Variants in CPEB2 observed in about 807,000 individuals in gnomAD.
The protein encoded by CPEB2 is cytoplasmic polyadenylation element-binding protein 2.
A neutral mutation model predicts 93.6 loss-of-function variants in CPEB2; 56 were observed. That is an observed-to-expected ratio of 0.60 (90% CI 0.48 to 0.75). The LOEUF (loss-of-function observed/expected upper bound fraction) is 0.75. Among genes scored for constraint, CPEB2 ranks in the 30% least tolerant of loss-of-function variants. The pLI is 0.00. For synonymous variants in CPEB2, 764 were observed against 586.3 expected (o/e 1.30, Z -4.38); for missense variants, 1,579 against 1,395.1 (o/e 1.13, Z -2.10).
At chr4:15,052,168 T>C (rs1728295021) in intron 6 of CPEB2, among the ~76,000 whole-genome samples, 1 of 152,114 alleles carries the variant, frequency 6.6e-6, no homozygotes, top group South Asian at 2.1e-4. Flanking sequence ...GTTGAAGTGA[T>C]CTAGTATCTC....
At chr4:15,052,035 CTATT>C (rs1299135184) in intron 6 of CPEB2, among the ~76,000 whole-genome samples, 2 of 152,120 alleles carry the variant, frequency 1.3e-5, no homozygotes, top group Non-Finnish European at 2.9e-5. Flanking sequence ...ATCCCCTTAT[CTATT>C]TAGTCTGTGT....
chr4:15,003,806 G>C lies in CPEB2; in HGVS notation c.1133G>C (p.Gly378Ala). 9.9e-7 allele frequency: 1 copy of C among 1,013,868 alleles called. No individual in the cohort carries two copies. The highest frequency in any genetic ancestry group is 1.2e-6 in the Non-Finnish European group (1 of 802,368). The allele number at this position is 1,013,868 out of a possible 1,614,324, so 62.8% of individuals were successfully genotyped here. Residue 378 changes from glycine (G) to alanine (A), a missense_variant, in exon 1 of 12, where the codon GGC (glycine) becomes GCC (alanine). Around this residue, in one of 2 missense-constraint regions of CPEB2, gnomAD observed 1,411 missense variants for 1,056.0 expected, o/e 1.34. Transcript: ENST00000538197. Reference protein sequence around the residue: ...GGSASPPPLPGFGTPWSVQTA... With the variant: ...GGSASPPPLPAFGTPWSVQTA... ...TCCGCGTCGCCGCCGCCGCTGCCCG[G>C]CTTCGGCACCCCCTGGTCGGTGCAG...
intron 6 of CPEB2, among the ~76,000 whole-genome samples, chr4:15,047,955 A>C (rs1374766604): frequency 6.7e-6 from 1 of 150,294 alleles, no homozygotes; most frequent in Non-Finnish European, 1.5e-5. Flanking sequence ...GAGTTTTATC[A>C]GATGCATTTC....
intron 7 of CPEB2, among the ~76,000 whole-genome samples, chr4:15,052,883 A>C (rs554293091): frequency 6.6e-6 from 1 of 152,080 alleles, no homozygotes; most frequent in African/African-American, 2.4e-5. Flanking sequence ...GAATATATTT[A>C]GGTATATAAA....
chr4:15,027,351 G>A (rs2109015784), intron 4 of CPEB2, among the ~76,000 whole-genome samples: 1 of 152,290 alleles, frequency 6.6e-6, no homozygotes, highest in East Asian at 1.9e-4. Flanking sequence ...GCTTTTATTA[G>A]ATGTAGGTAA....
chr4:15,052,107 C>T (rs1371750687), intron 6 of CPEB2, among the ~76,000 whole-genome samples: 1 of 152,008 alleles, frequency 6.6e-6, no homozygotes, highest in Non-Finnish European at 1.5e-5. Flanking sequence ...TCCATTCTAA[C>T]TGTCCACATA....
chr4:15,021,671 G>A (rs7442191), intron 4 of CPEB2, among the ~76,000 whole-genome samples: 135,928 of 152,160 alleles, frequency 0.89, 61,681 homozygotes, highest in Non-Finnish European at 0.98. Flanking sequence ...TCAGTAAGTC[G>A]TAATGCCTTT....
rs1463281727 is a variant in CPEB2, at chr4:15,003,692, G to A, written c.1019G>A (p.Ser340Asn). Residue 340 changes from serine to asparagine, a missense_variant, in exon 1 of 12, where the codon AGC (serine) becomes AAC (asparagine). Around this residue, in one of 2 missense-constraint regions of CPEB2, gnomAD observed 1,411 missense variants for 1,056.0 expected, o/e 1.34. Coordinates refer to ENST00000538197, the MANE Select transcript of CPEB2 (RefSeq NM_001177382.2). ...GGTGCGCTTGGCGCGGGCGCCTTCA[G>A]CAGCCTGCAGAGCCCGGACCTTCCA... is the stretch of plus-strand genomic sequence containing the variant. ...PGGALGAGAF[S>N]SLQSPDLPHP... 15 of 1,454,614 alleles carry A rather than the reference G, an allele frequency of 1.0e-5. No individual in the cohort carries two copies. The East Asian group carries it at 3.1e-4, about 30-fold the overall frequency. 90.1% of individuals were successfully genotyped at this position (1,454,614 alleles called of 1,614,324 possible). A position where few individuals can be genotyped will look rare whatever the true frequency, so the allele number is the denominator to read the frequency against.
chr4:15,022,452 CAAAA>C (rs908924597), intron 4 of CPEB2, among the ~76,000 whole-genome samples: 2 of 151,520 alleles, frequency 1.3e-5, no homozygotes, highest in Non-Finnish European at 1.5e-5. Context: ...TTGCCAATAA[CAAAA>C]AAGAGTATAG....
At chr4:15,019,282 A>T (rs1023042795) in intron 4 of CPEB2, among the ~76,000 whole-genome samples, 26 of 151,842 alleles carry the variant, frequency 1.7e-4, no homozygotes, top group African/African-American at 6.0e-4. Flanking sequence ...ATTTAAAATT[A>T]TCTTGGTACT....
At chr4:15,042,089 T>C (rs1419661486) in intron 6 of CPEB2, among the ~76,000 whole-genome samples, 1 of 152,204 alleles carries the variant, frequency 6.6e-6, no homozygotes, top group Non-Finnish European at 1.5e-5. Flanking sequence ...GGAGCTTCAG[T>C]TCTCTGAAAC....
chr4:15,003,871 AC>A lies in CPEB2; in HGVS notation c.1201del (p.Gln401SerfsTer57). On this transcript the variant is annotated frameshift_variant, in exon 1 of 12. Coordinates refer to ENST00000538197, the MANE Select transcript of CPEB2 (RefSeq NM_001177382.2). LOFTEE classifies it high-confidence loss of function. Reference protein sequence around the residue: ...PPPQPQQPPPTQPQQQPPPPQ... With the variant: ...PPPQPQQPPPXQPQQQPPPPQ... ...ACCCCAGCCCCAGCAGCCGCCGCCGACCCAGCCGCAGCAGCAGCCGCCGCCA... is the reference window on the plus strand; with the variant it reads ...ACCCCAGCCCCAGCAGCCGCCGCCGACCAGCCGCAGCAGCAGCCGCCGCCA... The A allele has an allele frequency of 2.4e-6, 2 of 817,842 alleles. No homozygotes were observed. Among genetic ancestry groups the A allele is most frequent in the Non-Finnish European group, 1.6e-6 (1 of 619,310 alleles). The allele number at this position is 817,842 out of a possible 1,614,324, so 50.7% of individuals were successfully genotyped here.
In CPEB2 at chr4:15,033,202, A is replaced by C. The variant is rs1220147003; in HGVS notation, c.2167A>C (p.Met723Leu). 6.3e-7 allele frequency: 1 copy of C among 1,589,782 alleles called. No individual in the cohort carries two copies. Residue 723 changes from methionine (M) to leucine (L), a missense_variant, in exon 5 of 12, where the codon ATG becomes CTG. By Grantham distance (15) the Met-to-Leu change is conservative. This residue lies in a region of CPEB2 where 1,411 missense variants were observed against 1,056.0 expected (regional missense o/e 1.34). Transcript: ENST00000538197. ...ACATCCAGGAACTGACAATCTGTTGATGTTAAATGGTAAGTTTTATAAAAA... is the reference window on the plus strand; with the variant it reads ...ACATCCAGGAACTGACAATCTGTTGCTGTTAAATGGTAAGTTTTATAAAAA... ...YPHPGTDNLL[M>L]LNARSYGRRR... is the part of the protein sequence containing the mutation.
In CPEB2 at chr4:15,003,317, C is replaced by A. The variant is rs528645772; in HGVS notation, c.644C>A (p.Ala215Asp). The change falls in exon 1 of 12, where the codon GCC becomes GAC. Residue 215 changes from alanine (A) to aspartate (D), a missense_variant. By Grantham distance (126) the Ala-to-Asp change is moderately radical. Coordinates refer to ENST00000538197, the MANE Select transcript of CPEB2 (RefSeq NM_001177382.2). ...CGGTTCAGCCCGCCGCCGCCGCCAG[C>A]CGGCCCGCTCCTCCAGCCGGCGCAG... ...PGRFSPPPPP[A>D]GPLLQPAQLA... is the part of the protein sequence containing the mutation. The A allele has an allele frequency of 3.2e-4, 457 of 1,419,616 alleles. 6 individuals carry two copies. The African/African-American group carries it at 6.4e-3, about 20-fold the overall frequency. 87.9% of individuals were successfully genotyped at this position (1,419,616 alleles called of 1,614,324 possible).
At chr4:15,017,150 G>A (rs1577381678) in intron 3 of CPEB2, 38 bp from the exon 4 acceptor site, 1 of 1,166,838 alleles carries the variant, frequency 8.6e-7, no homozygotes. Flanking sequence ...TGAAAAAACT[G>A]CATAGATTAT....
intron 6 of CPEB2, 22 bp from the exon 7 acceptor site, chr4:15,052,392 T>C (rs767684785): frequency 7.9e-6 from 11 of 1,391,008 alleles, no homozygotes; most frequent in Non-Finnish European, 1.0e-5. Flanking sequence ...GAGATTCAAG[T>C]TGTATTTGTT....
rs565976876 is a variant in CPEB2, at chr4:15,008,513, A to G, written c.2034+86A>G. On this transcript the variant is annotated intron_variant, in intron 3 of 11. Transcript: ENST00000538197. ...AGTAGGATTTATTATTTACTTTCTT[A>G]TTATACCTATTGAAACATATGTTAG... The G allele has an allele frequency of 1.5e-5, 12 of 806,606 alleles. 1 individual carries two copies. Among genetic ancestry groups the G allele is most frequent in the South Asian group, 1.2e-4 (6 of 49,702 alleles). 50.0% of individuals were successfully genotyped at this position (806,606 alleles called of 1,614,324 possible). A position where few individuals can be genotyped will look rare whatever the true frequency, so the allele number is the denominator to read the frequency against.
chr4:15,043,430 G>A (rs1727372925), intron 6 of CPEB2, among the ~76,000 whole-genome samples: 1 of 152,248 alleles, frequency 6.6e-6, no homozygotes, highest in South Asian at 2.1e-4. Flanking sequence ...CTAGGGGGCA[G>A]CATTAGGAAG....
intron 10 of CPEB2, 77 bp from the exon 11 acceptor site, chr4:15,062,002 G>T: frequency 7.6e-7 from 1 of 1,320,372 alleles, no homozygotes; most frequent in Non-Finnish European, 1.0e-6. Context: ...TGACTTTTAC[G>T]TTTTACAAAA....
Sources: allele counts gnomAD v4.1 joint callset (sites outside exome capture counted in the v4.1 genomes callset), GRCh38; gene constraint gnomAD v4.1.1; regional missense constraint gnomAD v4.1.1; transcripts MANE v1.5; gene names NCBI Gene and HGNC (gene_info 2026-07-23, HGNC 2026-07-21).